Variants in LAD1 observed in about 807,000 individuals in gnomAD.
The protein encoded by LAD1 is ladinin-1.
LAD1 carries 53 observed loss-of-function variants against 54.2 expected under a neutral mutation model. That is an observed-to-expected ratio of 0.98 (90% CI 0.78 to 1.23). The LOEUF is 1.23. Ranked by LOEUF, LAD1 falls within the 50% of genes most tolerant of loss-of-function variation. LAD1 has a pLI of 0.00. For synonymous variants in LAD1, 231 were observed against 257.7 expected (o/e 0.90, Z 0.99); for missense variants, 637 against 653.3 (o/e 0.98, Z 0.27).
chr1:201,392,610 C>T (rs1191084351), intron 1 of LAD1, among the ~76,000 whole-genome samples: 2 of 152,134 alleles, frequency 1.3e-5, no homozygotes, highest in Non-Finnish European at 1.5e-5. Context: ...AGACGGGAAA[C>T]CAGGGCCAGA....
Position 201,386,571 on chromosome 1 carries a change from C to T in LAD1, c.790G>A (p.Glu264Lys), listed in dbSNP as rs781107753. The change falls in exon 3 of 10, where the codon GAG becomes AAG. Residue 264 changes from glutamate (E) to lysine (K), a missense_variant. Transcript: ENST00000391967. ...RLVSEKASIF[E>K]KALASEKSPT... is the part of the protein sequence containing the mutation. ...CTCTTCTCTGAGGCCAGTGCCTTCT[C>T]AAAGATGGAAGCTTTCTCAGACACC... 2.5e-6 allele frequency: 4 copies of T among 1,613,862 alleles called. No individual in the cohort carries two copies. In the African/African-American group the frequency reaches 5.3e-5, roughly 22 times the overall value.
chr1:201,394,018 T>A (rs984313000), intron 1 of LAD1, among the ~76,000 whole-genome samples: 2 of 152,058 alleles, frequency 1.3e-5, no homozygotes, highest in African/African-American at 4.8e-5. Flanking sequence ...TGAGACCAGC[T>A]TGGGCAACAA....
intron 1 of LAD1, among the ~76,000 whole-genome samples, chr1:201,399,032 C>T (rs990648044): frequency 6.6e-6 from 1 of 152,236 alleles, no homozygotes; most frequent in African/African-American, 2.4e-5. Flanking sequence ...AGACTGAGGA[C>T]CAGCCTTCCC....
intron 1 of LAD1, among the ~76,000 whole-genome samples, 184 bp downstream of exon 1, chr1:201,399,085 C>A (rs1662358572): frequency 6.6e-6 from 1 of 152,224 alleles, no homozygotes; most frequent in African/African-American, 2.4e-5. Flanking sequence ...GGGGAGAAGA[C>A]CCACCCTGTA....
At chr1:201,383,053 T>C (rs764774631) in intron 7 of LAD1, 21 bp downstream of exon 7, 4 of 1,606,464 alleles carry the variant, frequency 2.5e-6, no homozygotes, top group East Asian at 2.2e-5. Context: ...CTAAGGACCC[T>C]GTGGGGCCTG....
intron 1 of LAD1, among the ~76,000 whole-genome samples, chr1:201,393,592 A>G (rs1662233274): frequency 6.6e-6 from 1 of 151,988 alleles, no homozygotes; most frequent in African/African-American, 2.4e-5. Context: ...CTAAAAATAC[A>G]AAAATTAGCC....
rs1365171938 is a variant in LAD1 at position 201,383,122 on chromosome 1, CT to C, written c.1337del (p.Glu446GlyfsTer20). 6.2e-7 allele frequency: 1 copy of C among 1,614,122 alleles called. No individual in the cohort carries two copies. Among genetic ancestry groups the C allele is most frequent in the Admixed American group, 1.7e-5 (1 of 60,024 alleles). On this transcript the variant is annotated frameshift_variant, in exon 7 of 10. Transcript: ENST00000391967. LOFTEE classifies it high-confidence loss of function. ...VGVASKRHLF[E>X]KELAGQSRAE... ...CTCGGCTCTGGCCCGCCAGTTCCTT[CT>C]CAAAGAGGTGGCGCTTGCTGGCTAC... is the stretch of plus-strand genomic sequence containing the variant.
rs1662068586 is a variant in LAD1, at chr1:201,385,690, A to G, written c.1131+11T>C. 4 of 1,604,288 alleles carry G rather than the reference A, an allele frequency of 2.5e-6. No individual in the cohort carries two copies. The East Asian group carries it at 8.9e-5, about 36-fold the overall frequency. ...CAGTGGCTCGCAGACCAGGGTGCCCAGGGCTCTCACCCGAAAGGAGATGGT... is the reference window on the plus strand; with the variant it reads ...CAGTGGCTCGCAGACCAGGGTGCCCGGGGCTCTCACCCGAAAGGAGATGGT... On this transcript the variant is annotated intron_variant, in intron 4 of 9. Coordinates refer to ENST00000391967, the MANE Select transcript of LAD1 (RefSeq NM_005558.4).
chr1:201,385,755 C>A lies in LAD1; in HGVS notation c.1077G>T (p.Gln359His), dbSNP rs776829386. 14 of 1,614,036 alleles carry A rather than the reference C, an allele frequency of 8.7e-6. No homozygotes were observed. The highest frequency in any genetic ancestry group is 1.2e-5 in the Non-Finnish European group (14 of 1,180,018). Residue 359 changes from glutamine (Q) to histidine (H), a missense_variant, in exon 4 of 10, where the codon CAG becomes CAT. Transcript: ENST00000391967. Reference sequence around the variant, plus strand: ...GTTTGAGGGAGCTGCTGTAGGTTCGCTGTGTGGGTGAGGACATATCTGCCT... The same window carrying A: ...GTTTGAGGGAGCTGCTGTAGGTTCGATGTGTGGGTGAGGACATATCTGCCT... Reference protein sequence around the residue: ...EEEADMSSPTQRTYSSSLKRS... With the variant: ...EEEADMSSPTHRTYSSSLKRS...
chr1:201,384,662 T>C (rs779553751), intron 5 of LAD1, 130 bp downstream of exon 5: 99 of 878,106 alleles, frequency 1.1e-4, no homozygotes, highest in Non-Finnish European at 1.8e-4. Context: ...TCTGGAGCCC[T>C]GGGCAAGGAC....
intron 1 of LAD1, among the ~76,000 whole-genome samples, chr1:201,390,496 C>T (rs1662179419): frequency 6.6e-6 from 1 of 152,148 alleles, no homozygotes; most frequent in South Asian, 2.1e-4. Flanking sequence ...GAGATAGTGC[C>T]ATTGCACTCC....
rs1661959548 is a variant in LAD1, at chr1:201,381,550, C to T, written c.*338G>A. ...GTTCTTGAGGGGCGCCGTGCCCTGACTGTGGATGTGAGCAGGAAGGAGCAG... is the reference window on the plus strand; with the variant it reads ...GTTCTTGAGGGGCGCCGTGCCCTGATTGTGGATGTGAGCAGGAAGGAGCAG... On this transcript the variant is annotated 3_prime_UTR_variant, in exon 10 of 10. Coordinates refer to ENST00000391967, the MANE Select transcript of LAD1 (RefSeq NM_005558.4). 5.1e-6 allele frequency: 2 copies of T among 394,640 alleles called. No homozygotes were observed. Among genetic ancestry groups the T allele is most frequent in the Non-Finnish European group, 4.7e-6 (1 of 213,882 alleles). The allele number at this position is 394,640 out of a possible 1,614,324, so 24.4% of individuals were successfully genotyped here.
rs750447578 is a variant in LAD1, at chr1:201,381,874, C to G, written c.*14G>C. 2 of 1,613,994 alleles carry G rather than the reference C, an allele frequency of 1.2e-6. No homozygotes were observed. Among genetic ancestry groups the G allele is most frequent in the Admixed American group, 1.7e-5 (1 of 60,016 alleles). The stretch of plus-strand genomic sequence containing the variant: ...TTGAGACGAAGACTTGCAGGTCTGT[C>G]TTGGCGGGGCTTGTCACACCTGTGG... On this transcript the variant is annotated 3_prime_UTR_variant, in exon 10 of 10. Transcript: ENST00000391967.
chr1:201,389,322 G>A lies in LAD1; in HGVS notation c.39-19C>T. 2 of 1,606,394 alleles carry A rather than the reference G, an allele frequency of 1.2e-6. No individual in the cohort carries two copies. The highest frequency in any genetic ancestry group is 1.7e-6 in the Non-Finnish European group (2 of 1,178,094). On this transcript the variant is annotated intron_variant, in intron 1 of 9. Coordinates refer to ENST00000391967, the MANE Select transcript of LAD1 (RefSeq NM_005558.4). ...GGCAAGGCTGGGGGAGGGGAGGAGA[G>A]GGTCAGCACAGCTGGGGAAACCCAG...
chr1:201,398,482 C>T (rs917677985), intron 1 of LAD1, among the ~76,000 whole-genome samples: 5 of 152,150 alleles, frequency 3.3e-5, no homozygotes, highest in Non-Finnish European at 7.3e-5. Flanking sequence ...GGTGAAAATG[C>T]TCACAGGGGG....
At chr1:201,396,625 A>C (rs976408487) in intron 1 of LAD1, among the ~76,000 whole-genome samples, 2 of 151,086 alleles carry the variant, frequency 1.3e-5, no homozygotes, top group Non-Finnish European at 1.5e-5. Context: ...CCCCAGATGC[A>C]TTTTGTGGAA....
intron 1 of LAD1, among the ~76,000 whole-genome samples, chr1:201,392,712 T>C (rs1389269245): frequency 6.6e-6 from 1 of 151,734 alleles, no homozygotes; most frequent in East Asian, 1.9e-4. Context: ...CCAGGTGTGC[T>C]GGAGAGCCCT....
intron 8 of LAD1, 89 bp downstream of exon 8, chr1:201,382,564 C>T: frequency 8.9e-7 from 1 of 1,120,764 alleles, no homozygotes; most frequent in Non-Finnish European, 1.3e-6. Flanking sequence ...CCCGAAATGA[C>T]TCCTCCTCTC....
In LAD1 at chr1:201,381,625, T is replaced by C; in HGVS notation, c.*263A>G. 1 of 575,380 alleles carries C rather than the reference T, an allele frequency of 1.7e-6. No homozygotes were observed. The highest frequency in any genetic ancestry group is 3.1e-6 in the Non-Finnish European group (1 of 319,114). 35.6% of individuals were successfully genotyped at this position (575,380 alleles called of 1,614,324 possible). On this transcript the variant is annotated 3_prime_UTR_variant, in exon 10 of 10. Coordinates refer to ENST00000391967, the MANE Select transcript of LAD1 (RefSeq NM_005558.4). ...CCATAGTGCTGATGTGCACTTGTGC[T>C]GTGACCTGGGCAGAGACTGGGTCCC... is the stretch of plus-strand genomic sequence containing the variant.
Sources: gnomAD v4.1 joint callset for allele counts (sites outside exome capture counted in the v4.1 genomes callset) on GRCh38, gnomAD v4.1.1 for gene constraint, MANE v1.5 for transcripts, NCBI Gene and HGNC (gene_info 2026-07-23, HGNC 2026-07-21) for gene names.